Variants in UBE2E2 observed in about 807,000 individuals in gnomAD.
UBE2E2 encodes ubiquitin conjugating enzyme E2 E2, also known as ubiquitin-conjugating enzyme E2 E2.
UBE2E2 carries 6 observed loss-of-function variants against 24.7 expected under a neutral mutation model. The ratio of observed to expected loss-of-function variants is 0.24; its 90% CI spans 0.13 to 0.48. The LOEUF (loss-of-function observed/expected upper bound fraction) is 0.48. Among genes scored for constraint, UBE2E2 ranks in the 20% least tolerant of loss-of-function variants. The pLI is 0.99. For synonymous variants in UBE2E2, 104 were observed against 83.6 expected, an observed-to-expected ratio of 1.24 and a Z score of -1.33; for missense variants, 169 against 245.0, an observed-to-expected ratio of 0.69 and a Z score of 2.07.
chr3:23,559,273 G>A (rs1695863832), intron 5 of UBE2E2, among the ~76,000 whole-genome samples: 1 of 152,068 alleles, frequency 6.6e-6, no homozygotes, highest in African/African-American at 2.4e-5. Flanking sequence ...ATTTGATTAA[G>A]CATTTAACAT....
intron 5 of UBE2E2, among the ~76,000 whole-genome samples, chr3:23,574,205 G>A (rs904930035): frequency 6.6e-6 from 1 of 152,116 alleles, no homozygotes; most frequent in Admixed American, 6.6e-5. Flanking sequence ...GAGAGTAGAA[G>A]AATGGTTACC....
At chr3:23,374,304 G>A (rs944608053) in intron 3 of UBE2E2, among the ~76,000 whole-genome samples, 1 of 152,102 alleles carries the variant, frequency 6.6e-6, no homozygotes, top group Admixed American at 6.6e-5. Context: ...ATTGGTTTTA[G>A]GAGATAAGTG....
intron 3 of UBE2E2, among the ~76,000 whole-genome samples, chr3:23,267,595 G>A (rs1414693277): frequency 6.6e-6 from 1 of 151,924 alleles, no homozygotes; most frequent in African/African-American, 2.4e-5. Context: ...TCCAGGACCA[G>A]ATGGATTCAC....
At chr3:23,456,006 G>A (rs137918235) in intron 3 of UBE2E2, among the ~76,000 whole-genome samples, 4 of 152,244 alleles carry the variant, frequency 2.6e-5, no homozygotes, top group African/African-American at 4.8e-5. Flanking sequence ...ACTCTGCCAC[G>A]GCTTTATCAA....
At chr3:23,400,607 AAC>A (rs3087043) in intron 3 of UBE2E2, among the ~76,000 whole-genome samples, 6,767 of 137,632 alleles carry the variant, frequency 0.049, 182 homozygotes, top group African/African-American at 0.082. Flanking sequence ...GAATAAATGA[AAC>A]ACACACACAC....
intron 3 of UBE2E2, among the ~76,000 whole-genome samples, chr3:23,448,126 G>T (rs1395189704): frequency 2.0e-5 from 3 of 151,990 alleles, no homozygotes; most frequent in African/African-American, 7.2e-5. Context: ...TTTATCTGTG[G>T]ATATCAGGGT....
chr3:23,425,004 C>T (rs1697890068), intron 3 of UBE2E2, among the ~76,000 whole-genome samples: 1 of 152,030 alleles, frequency 6.6e-6, no homozygotes, highest in Admixed American at 6.6e-5. Context: ...AAATTATATA[C>T]AAAGTAGAAA....
chr3:23,402,120 C>T (rs1463497273), intron 3 of UBE2E2, among the ~76,000 whole-genome samples: 2 of 152,112 alleles, frequency 1.3e-5, no homozygotes, highest in Non-Finnish European at 1.5e-5. Context: ...TCCCAAAGTG[C>T]TGGGATTACA....
Position 23,407,395 on chromosome 3 carries a change from ATTGACATC to A in UBE2E2, c.228-92200_228-92193del, listed in dbSNP as rs938611170. Among the ~76,000 whole-genome samples, 18 of 152,310 alleles carry A rather than the reference ATTGACATC, an allele frequency of 1.2e-4. No individual in the cohort carries two copies. The highest frequency in any genetic ancestry group is 4.3e-4 in the African/African-American group (18 of 41,566). On this transcript the variant is annotated intron_variant, in intron 3 of 5. Coordinates refer to ENST00000396703, the MANE Select transcript of UBE2E2 (RefSeq NM_152653.4). This position sits in a 1 kb window ranked among gnomAD's most constrained non-coding sequence, Gnocchi z 4.0. ...CAGTGTCCACAAATGTAAATGATAT[ATTGACATC>A]TTGACATCTTGATTAATTGGAGGGT...
chr3:23,485,496 G>A (rs895014137), intron 3 of UBE2E2, among the ~76,000 whole-genome samples: 1 of 152,022 alleles, frequency 6.6e-6, no homozygotes, highest in Non-Finnish European at 1.5e-5. Context: ...TTCTTGAACA[G>A]GTCTGACATT....
chr3:23,270,480 G>C (rs916593402), intron 3 of UBE2E2, among the ~76,000 whole-genome samples: 1 of 152,080 alleles, frequency 6.6e-6, no homozygotes, highest in Admixed American at 6.5e-5. Flanking sequence ...GGAAACACTC[G>C]TTCTGGCTCA....
chr3:23,289,951 A>G (rs538061079), intron 3 of UBE2E2, among the ~76,000 whole-genome samples: 17 of 152,278 alleles, frequency 1.1e-4, no homozygotes, highest in African/African-American at 2.6e-4. Flanking sequence ...TTGATAGACT[A>G]TTTCTCTTAC....
chr3:23,565,834 C>T (rs1273234783), intron 5 of UBE2E2, among the ~76,000 whole-genome samples: 2 of 152,118 alleles, frequency 1.3e-5, no homozygotes, highest in Admixed American at 1.3e-4. Flanking sequence ...AGCGCTTCTG[C>T]CACCTCTTTT....
intron 3 of UBE2E2, among the ~76,000 whole-genome samples, chr3:23,429,446 G>A (rs542003621): frequency 6.6e-6 from 1 of 152,208 alleles, no homozygotes; most frequent in African/African-American, 2.4e-5. Context: ...ATGACCAAAT[G>A]GGATTTATCC....
chr3:23,234,861 A>T (rs1317686032), intron 3 of UBE2E2, among the ~76,000 whole-genome samples: 1 of 152,170 alleles, frequency 6.6e-6, no homozygotes, highest in Non-Finnish European at 1.5e-5. Context: ...AAATCTGTGG[A>T]TAGGTTCAAA....
In UBE2E2 at chr3:23,274,375, A is replaced by G. The variant is rs866976641; in HGVS notation, c.227+57063A>G. ...GTCTTTCTGTTATATGAACAGAGTG[A>G]CGAGTCCCTCTCTGTTGCCCACTGT... On this transcript the variant is annotated intron_variant, in intron 3 of 5. Transcript: ENST00000396703. 6.6e-5 allele frequency among the ~76,000 whole-genome samples: 10 copies of G among 151,926 alleles called. No individual in the cohort carries two copies. In the Middle Eastern group the frequency reaches 0.014, roughly 207 times the overall value.
In UBE2E2 at chr3:23,329,602, A is replaced by G. The variant is rs573943441; in HGVS notation, c.227+112290A>G. Among the ~76,000 whole-genome samples the G allele has an allele frequency of 3.9e-5, 6 of 152,376 alleles. No individual in the cohort carries two copies. The South Asian group carries it at 1.2e-3, about 32-fold the overall frequency. On this transcript the variant is annotated intron_variant, in intron 3 of 5. Transcript: ENST00000396703. ...ATTGGTATGCAAGCTAATTAGATAC[A>G]ACAACTAATTGGAGCCGGTGGCTCA...
intron 3 of UBE2E2, among the ~76,000 whole-genome samples, chr3:23,426,891 TAGC>T (rs1373004454): frequency 6.6e-6 from 1 of 152,066 alleles, no homozygotes; most frequent in African/African-American, 2.4e-5. Context: ...TACAAAATAA[TAGC>T]AACAATATAT....
intron 3 of UBE2E2, among the ~76,000 whole-genome samples, chr3:23,232,864 G>C (rs1190962674): frequency 6.6e-6 from 1 of 152,216 alleles, no homozygotes; most frequent in Non-Finnish European, 1.5e-5. Context: ...CAGTTTATTA[G>C]AGTAGAATGA....
Sources: gnomAD v4.1 joint callset for allele counts (sites outside exome capture counted in the v4.1 genomes callset) on GRCh38, gnomAD v4.1.1 for gene constraint, Gnocchi (gnomAD v3.1) non-coding constraint, MANE v1.5 for transcripts, NCBI Gene and HGNC (gene_info 2026-07-23, HGNC 2026-07-21) for gene names.